EIF2B5: variants seen among roughly 807,000 people sequenced by gnomAD.
EIF2B5 encodes eukaryotic translation initiation factor 2B subunit epsilon.
A neutral mutation model predicts 87.3 loss-of-function variants in EIF2B5; 38 were observed. The observed-to-expected ratio is 0.44, with a 90% confidence interval of 0.34 to 0.57. The LOEUF is 0.57. EIF2B5 is among the 20% of genes least tolerant of loss of function. The pLI, the probability that EIF2B5 is intolerant of heterozygous loss-of-function variation, is 0.02. For synonymous variants in EIF2B5, 313 were observed against 339.6 expected, an observed-to-expected ratio of 0.92 and a Z score of 0.86; for missense variants, 784 against 909.5, an observed-to-expected ratio of 0.86 and a Z score of 1.78.
intron 13 of EIF2B5, chr3:184,143,796 A>G (rs2109011642): frequency 1.5e-6 from 1 of 684,936 alleles, no homozygotes; most frequent in Non-Finnish European, 2.5e-6. Flanking sequence ...CCACAAAGGT[A>G]TATTCAGAAT....
intron 1 of EIF2B5, 30 bp from the exon 2 acceptor site, chr3:184,136,580 CCT>C (rs768761281): frequency 6.2e-7 from 1 of 1,613,682 alleles, no homozygotes; most frequent in African/African-American, 1.3e-5. Context: ...GGATTCGAGA[CCT>C]CAAGTTTTTT....
At chr3:184,135,869 CT>C (rs1713328891) in intron 1 of EIF2B5, 4 of 512,842 alleles carry the variant, frequency 7.8e-6, no homozygotes, top group Non-Finnish European at 1.4e-5. Context: ...TTCAGTGCCC[CT>C]AGAAGAGGCT....
chr3:184,143,418 G>T (rs371410870), intron 12 of EIF2B5, 24 bp from the exon 13 acceptor site: 1 of 1,614,084 alleles, frequency 6.2e-7, no homozygotes, highest in Non-Finnish European at 8.5e-7. Context: ...TGAAGGCCCT[G>T]GTGTCACCCC....
rs1713804708 is a variant in EIF2B5, at chr3:184,144,969, G to A, written c.*26G>A. 3.1e-6 allele frequency: 5 copies of A among 1,610,562 alleles called. No individual in the cohort carries two copies. In the East Asian group the frequency reaches 1.1e-4, roughly 36 times the overall value. ...AGTCACACTGCCTGCTCCTTTGGGTGTGATTGAGTGCCCTCCTGGCTCCTG... is the reference window on the plus strand; with the variant it reads ...AGTCACACTGCCTGCTCCTTTGGGTATGATTGAGTGCCCTCCTGGCTCCTG... On this transcript the variant is annotated 3_prime_UTR_variant, in exon 16 of 16. Coordinates refer to ENST00000648915, the MANE Select transcript of EIF2B5 (RefSeq NM_003907.3).
In EIF2B5 at chr3:184,145,121, G is replaced by A; in HGVS notation, c.*178G>A. ...CTAGCAACCATGTGCCTCCCATCCT[G>A]ACTGTGGAGTTGGGATGTGGAAGTG... On this transcript the variant is annotated 3_prime_UTR_variant, in exon 16 of 16. Coordinates refer to ENST00000648915, the MANE Select transcript of EIF2B5 (RefSeq NM_003907.3). The surrounding 1 kb of genome is among the most constrained non-coding windows in gnomAD (Gnocchi z 4.0). 1 of 680,338 alleles carries A rather than the reference G, an allele frequency of 1.5e-6. No homozygotes were observed. Among genetic ancestry groups the A allele is most frequent in the Non-Finnish European group, 2.6e-6 (1 of 380,918 alleles). 42.1% of individuals were successfully genotyped at this position (680,338 alleles called of 1,614,324 possible).
chr3:184,140,091 C>T lies in EIF2B5; in HGVS notation c.777C>T (p.Leu259=). ...CTTCCCTTCCACAGGTGGCACAACT[C>T]TTTACAGACAACTTTGACTACCAAA... ...ISICSPQVAQ[L]FTDNFDYQTR... is the part of the protein sequence containing the mutation. The change falls in exon 6 of 16, where the codon CTC becomes CTT. Residue 259 remains leucine (L), a synonymous_variant. Coordinates refer to ENST00000648915, the MANE Select transcript of EIF2B5 (RefSeq NM_003907.3). 6.2e-7 allele frequency: 1 copy of T among 1,612,972 alleles called. No homozygotes were observed. The highest frequency in any genetic ancestry group is 8.5e-7 in the Non-Finnish European group (1 of 1,179,436).
Position 184,137,791 on chromosome 3 carries a change from C to T in EIF2B5, c.492C>T (p.Ala164=). The change falls in exon 3 of 16, where the codon GCC becomes GCT. Residue 164 remains alanine, a synonymous_variant. Transcript: ENST00000648915. ...DVISNINITR[A]LEEHRLRRKL... is the part of the protein sequence containing the mutation. ...TCTCAAACATCAATATCACCAGAGC[C>T]CTTGAGGAACACAGGTCAGGATGGG... 6.2e-7 allele frequency: 1 copy of T among 1,614,182 alleles called. No individual in the cohort carries two copies. Among genetic ancestry groups the T allele is most frequent in the Non-Finnish European group, 8.5e-7 (1 of 1,180,040 alleles).
At position 184,142,136 on chromosome 3, in the gene EIF2B5, G is replaced by T; in HGVS notation, c.1302+66G>T. 2 of 1,613,952 alleles carry T rather than the reference G, an allele frequency of 1.2e-6. No homozygotes were observed. Among genetic ancestry groups the T allele is most frequent in the Non-Finnish European group, 1.7e-6 (2 of 1,179,926 alleles). ...TGGCAGTCACACTGAGCCAGAAGGG[G>T]CATTATTTCCACCCATAATCCTGTC... On this transcript the variant is annotated intron_variant, in intron 8 of 15. Coordinates refer to ENST00000648915, the MANE Select transcript of EIF2B5 (RefSeq NM_003907.3). The surrounding 1 kb of genome is among the most constrained non-coding windows in gnomAD (Gnocchi z 5.0).
chr3:184,137,804 A>G lies in EIF2B5; in HGVS notation c.505A>G (p.Arg169Gly). The part of the protein sequence containing the change: ...INITRALEEH[R>G]LRRKLEKNVS... ...TATCACCAGAGCCCTTGAGGAACACAGGTCAGGATGGGAAAATGACAGGAA... is the reference window on the plus strand; with the variant it reads ...TATCACCAGAGCCCTTGAGGAACACGGGTCAGGATGGGAAAATGACAGGAA... Residue 169 changes from arginine to glycine, a missense_variant and splice_region_variant, in exon 3 of 16, where the codon AGG becomes GGG. By Grantham distance (125) the Arg-to-Gly change is moderately radical. Transcript: ENST00000648915. 1 of 1,614,226 alleles carries G rather than the reference A, an allele frequency of 6.2e-7. No individual in the cohort carries two copies. The highest frequency in any genetic ancestry group is 8.5e-7 in the Non-Finnish European group (1 of 1,180,044).
chr3:184,140,797 G>C, intron 7 of EIF2B5, 67 bp downstream of exon 7: 10 of 1,559,106 alleles, frequency 6.4e-6, no homozygotes, highest in Non-Finnish European at 7.9e-6. Context: ...CACGTCTCCA[G>C]AAACACAAGG....
At chr3:184,141,817 G>A in intron 7 of EIF2B5, 108 bp from the exon 8 acceptor site, 1 of 1,435,094 alleles carries the variant, frequency 7.0e-7, no homozygotes, top group Non-Finnish European at 9.7e-7. Context: ...TGGGGAATGA[G>A]AGCTAGGTGG....
chr3:184,136,188 C>G (rs1013825557), intron 1 of EIF2B5, among the ~76,000 whole-genome samples: 2 of 152,122 alleles, frequency 1.3e-5, no homozygotes, highest in African/African-American at 4.8e-5. Flanking sequence ...CTAATTCCCT[C>G]GAAAAAGCCT....
rs1713445553 is a variant in EIF2B5 at position 184,138,049 on chromosome 3, G to T, written c.658G>T (p.Gly220Cys). Residue 220 changes from glycine (G) to cysteine (C), a missense_variant, in exon 4 of 16, where the codon GGT becomes TGT. Gly to Cys is a radical substitution (Grantham distance 159). Coordinates refer to ENST00000648915, the MANE Select transcript of EIF2B5 (RefSeq NM_003907.3). ...GGTTCTCCATTTTCAGAAGACCCAGGGTCTCCGGCGTTTTGCATTTCCTCT... is the reference window on the plus strand; with the variant it reads ...GGTTCTCCATTTTCAGAAGACCCAGTGTCTCCGGCGTTTTGCATTTCCTCT... ...NRVLHFQKTQ[G>C]LRRFAFPLSL... 2 of 1,614,178 alleles carry T rather than the reference G, an allele frequency of 1.2e-6. No homozygotes were observed. The highest frequency in any genetic ancestry group is 2.7e-5 in the African/African-American group (2 of 75,044).
In EIF2B5 at chr3:184,141,954, C is replaced by T; in HGVS notation, c.1186C>T (p.Leu396=). 1 of 1,614,142 alleles carries T rather than the reference C, an allele frequency of 6.2e-7. No individual in the cohort carries two copies. The highest frequency in any genetic ancestry group is 2.2e-5 in the East Asian group (1 of 44,868). ...TAACGTGGTGCTGGACCAGACCTAC[C>T]TGTGGCAGGGTGTTCGAGTGGCGGC... ...GDNVVLDQTY[L]WQGVRVAAGA... is the part of the protein sequence containing the mutation. The change falls in exon 8 of 16, where the codon CTG becomes TTG. Residue 396 remains leucine (L), a synonymous_variant. Coordinates refer to ENST00000648915, the MANE Select transcript of EIF2B5 (RefSeq NM_003907.3).
chr3:184,144,683 C>T lies in EIF2B5; in HGVS notation c.2082C>T (p.Gly694=), dbSNP rs199518211. Residue 694 remains glycine, a synonymous_variant, in exon 15 of 16, where the codon GGC becomes GGT. Transcript: ENST00000648915. ...WFSQRDTTDK[G]QQLRKNQQLQ... is the part of the protein sequence containing the mutation. ...GCCAAAGAGATACAACTGACAAGGG[C>T]CAGCAGTTGCGCAAGAATCAACAGG... is the stretch of plus-strand genomic sequence containing the variant. 1.2e-6 allele frequency: 2 copies of T among 1,614,058 alleles called. No individual in the cohort carries two copies. Among genetic ancestry groups the T allele is most frequent in the East Asian group, 4.5e-5 (2 of 44,878 alleles).
chr3:184,138,058 C>G lies in EIF2B5; in HGVS notation c.667C>G (p.Arg223Gly), dbSNP rs576734904. 14 of 1,614,104 alleles carry G rather than the reference C, an allele frequency of 8.7e-6. No homozygotes were observed. The South Asian group carries it at 1.5e-4, about 18-fold the overall frequency. ...TTTTCAGAAGACCCAGGGTCTCCGG[C>G]GTTTTGCATTTCCTCTGGTGTGTGG... ...LHFQKTQGLR[R>G]FAFPLSLFQG... The change falls in exon 4 of 16, where the codon CGT (arginine) becomes GGT (glycine). Residue 223 changes from arginine (R) to glycine (G), a missense_variant. Physicochemically the swap from Arg to Gly is moderately radical, Grantham distance 125. Around this residue, in one of 3 missense-constraint regions of EIF2B5, gnomAD observed 660 missense variants for 789.5 expected, o/e 0.84. Coordinates refer to ENST00000648915, the MANE Select transcript of EIF2B5 (RefSeq NM_003907.3).
At chr3:184,138,287 A>G in intron 5 of EIF2B5, 41 bp downstream of exon 5, 2 of 1,527,532 alleles carry the variant, frequency 1.3e-6, no homozygotes. Flanking sequence ...CAAAGAGTAG[A>G]ACTCTGTGGG....
chr3:184,141,438 G>A (rs551077938), intron 7 of EIF2B5, among the ~76,000 whole-genome samples: 29 of 152,238 alleles, frequency 1.9e-4, no homozygotes, highest in Admixed American at 1.5e-3. Context: ...GCATGATGGC[G>A]CGTGCCTGTA....
chr3:184,142,323 C>A lies in EIF2B5; in HGVS notation c.1389C>A (p.Gly463=). Reference sequence around the variant, plus strand: ...ATGCAGAGGAAGATGAAGATGATGGCGAGTTCAGTGATGATTCTGGGGCTG... The same window carrying A: ...ATGCAGAGGAAGATGAAGATGATGGAGAGTTCAGTGATGATTCTGGGGCTG... ...PPDAEEDEDD[G]EFSDDSGADQ... The change falls in exon 9 of 16, where the codon GGC becomes GGA. Residue 463 remains glycine, a synonymous_variant. Coordinates refer to ENST00000648915, the MANE Select transcript of EIF2B5 (RefSeq NM_003907.3). This position sits in a 1 kb window ranked among gnomAD's most constrained non-coding sequence, Gnocchi z 5.0. 2.5e-6 allele frequency: 4 copies of A among 1,613,944 alleles called. No individual in the cohort carries two copies. The highest frequency in any genetic ancestry group is 3.4e-6 in the Non-Finnish European group (4 of 1,179,988).
Sources: allele counts gnomAD v4.1 joint callset (sites outside exome capture counted in the v4.1 genomes callset), GRCh38; gene constraint gnomAD v4.1.1; regional missense constraint gnomAD v4.1.1; non-coding constraint Gnocchi (gnomAD v3.1); transcripts MANE v1.5; gene names NCBI Gene and HGNC (gene_info 2026-07-23, HGNC 2026-07-21).